Variants in ITPR1 observed in about 807,000 individuals in gnomAD.
The protein encoded by ITPR1 is inositol 1,4,5-trisphosphate-gated calcium channel ITPR1.
ITPR1 carries 96 observed loss-of-function variants against 318.4 expected under a neutral mutation model. The observed-to-expected ratio is 0.30, with a 90% CI of 0.26 to 0.36. The LOEUF (loss-of-function observed/expected upper bound fraction) is 0.36, where lower values mean the gene tolerates loss of function less well. Ranked by LOEUF, ITPR1 falls within the 10% of genes least tolerant of loss-of-function variation. ITPR1 has a pLI of 1.00. For synonymous variants in ITPR1, 1,312 were observed against 1,289.9 expected (o/e 1.02, Z -0.37); for missense variants, 2,440 against 3,460.2 (o/e 0.71, Z 7.40).
chr3:4,604,142 A>G (rs1398448779), intron 4 of ITPR1, among the ~76,000 whole-genome samples: 1 of 152,152 alleles, frequency 6.6e-6, no homozygotes, highest in Non-Finnish European at 1.5e-5. Context: ...TCCTTTGAGA[A>G]GGGCTGTACA....
chr3:4,531,621 C>T (rs2083422274), intron 4 of ITPR1, among the ~76,000 whole-genome samples: 1 of 152,216 alleles, frequency 6.6e-6, no homozygotes, highest in Non-Finnish European at 1.5e-5. Context: ...GTAACTCCTC[C>T]AGGTTCTCTG....
At chr3:4,639,596 T>C in intron 6 of ITPR1, 126 bp downstream of exon 6, 1 of 690,924 alleles carries the variant, frequency 1.4e-6, no homozygotes, top group South Asian at 1.7e-5. Context: ...GCCAGTTTAT[T>C]GCAAAAAGTC....
At chr3:4,745,262 C>T (rs184278451) in intron 44 of ITPR1, among the ~76,000 whole-genome samples, 1 of 151,900 alleles carries the variant, frequency 6.6e-6, no homozygotes, top group Non-Finnish European at 1.5e-5. Context: ...TCCCTAGAGT[C>T]ATCTCTGCTC....
At chr3:4,559,774 C>T (rs772916239) in intron 4 of ITPR1, among the ~76,000 whole-genome samples, 4 of 152,186 alleles carry the variant, frequency 2.6e-5, no homozygotes, top group Admixed American at 6.5e-5. Context: ...ACACAAGGAA[C>T]CTGAAGCCCA....
chr3:4,733,288 T>C, intron 43 of ITPR1, 68 bp downstream of exon 43: 4 of 1,555,768 alleles, frequency 2.6e-6, no homozygotes, highest in Non-Finnish European at 3.5e-6. Context: ...GCATGTTTCC[T>C]CCTAACAGGT....
At chr3:4,545,692 T>A (rs995994112) in intron 4 of ITPR1, among the ~76,000 whole-genome samples, 10 of 105,938 alleles carry the variant, frequency 9.4e-5, no homozygotes, top group Admixed American at 2.0e-4. Context: ...GTATGCAAAC[T>A]TTTTTTTTTT....
intron 42 of ITPR1, among the ~76,000 whole-genome samples, chr3:4,730,689 G>A (rs535627739): frequency 6.6e-6 from 1 of 151,956 alleles, no homozygotes; most frequent in Non-Finnish European, 1.5e-5. Context: ...AAAACACGAA[G>A]GGGGGAAGAA....
At chr3:4,819,253 C>G (rs866511353) in intron 60 of ITPR1, among the ~76,000 whole-genome samples, 1 of 152,174 alleles carries the variant, frequency 6.6e-6, no homozygotes, top group Non-Finnish European at 1.5e-5. Context: ...CTGAATACCC[C>G]GATTACAGAG....
chr3:4,670,316 T>C lies in ITPR1; in HGVS notation c.2007-413T>C, dbSNP rs141803744. 2.2e-3 allele frequency among the ~76,000 whole-genome samples: 332 copies of C among 152,366 alleles called. 5 individuals are homozygous for C. Among genetic ancestry groups the C allele is most frequent in the African/African-American group, 7.4e-3 (308 of 41,584 alleles). On this transcript the variant is annotated intron_variant, in intron 19 of 61. Transcript: ENST00000649015. The stretch of plus-strand genomic sequence containing the variant: ...GCTAGTGATACTTCATTGATTCACA[T>C]GTATAACTCAGTTTTGGGCTTGGGC...
Position 4,674,182 on chromosome 3 carries a change from TC to T in ITPR1, c.2457-19del. ...GAATAACTTGAAATTTTGTTTCCTT[TC>T]TTTCTCCTTTCTTTTCAGCTATGAT... is the stretch of plus-strand genomic sequence containing the variant. On this transcript the variant is annotated intron_variant, in intron 21 of 61. Coordinates refer to ENST00000649015, the MANE Select transcript of ITPR1 (RefSeq NM_001378452.1). The T allele has an allele frequency of 6.5e-7, 1 of 1,529,336 alleles. No individual in the cohort carries two copies. The highest frequency in any genetic ancestry group is 1.3e-5 in the South Asian group (1 of 78,756). The allele number at this position is 1,529,336 out of a possible 1,614,324, so 94.7% of individuals were successfully genotyped here.
At chr3:4,732,129 G>A (rs1416004902) in intron 42 of ITPR1, among the ~76,000 whole-genome samples, 2 of 152,198 alleles carry the variant, frequency 1.3e-5, no homozygotes, top group African/African-American at 4.8e-5. Context: ...GAGTGCGGGT[G>A]AAAGTGTAGA....
chr3:4,696,659 G>A (rs374508665), intron 33 of ITPR1, among the ~76,000 whole-genome samples: 123 of 142,960 alleles, frequency 8.6e-4, no homozygotes, highest in African/African-American at 3.1e-3. Flanking sequence ...TTGAAGTTGA[G>A]CCCCTTGCCG....
intron 61 of ITPR1, among the ~76,000 whole-genome samples, chr3:4,843,407 A>G (rs2051517325): frequency 6.6e-6 from 1 of 152,208 alleles, no homozygotes; most frequent in Admixed American, 6.5e-5. Flanking sequence ...TTTGGAGATT[A>G]TCAGTGAAAA....
At chr3:4,795,596 C>G (rs566989920) in intron 53 of ITPR1, among the ~76,000 whole-genome samples, 1 of 152,316 alleles carries the variant, frequency 6.6e-6, no homozygotes, top group East Asian at 1.9e-4. Flanking sequence ...CCACACCGCA[C>G]TTCTGGAATT....
At chr3:4,747,698 G>A (rs1199598009) in intron 44 of ITPR1, among the ~76,000 whole-genome samples, 1 of 152,208 alleles carries the variant, frequency 6.6e-6, no homozygotes, top group African/African-American at 2.4e-5. Context: ...ACAATTATGT[G>A]TGCTACATAC....
intron 4 of ITPR1, among the ~76,000 whole-genome samples, chr3:4,562,341 G>A (rs894359550): frequency 2.6e-5 from 4 of 152,088 alleles, no homozygotes; most frequent in African/African-American, 9.7e-5. Flanking sequence ...TTGCATTTTG[G>A]ATAGTAATAG....
At chr3:4,663,599 A>T (rs2093884811) in intron 16 of ITPR1, among the ~76,000 whole-genome samples, 1 of 152,164 alleles carries the variant, frequency 6.6e-6, no homozygotes, top group South Asian at 2.1e-4. Context: ...CACTACCGAC[A>T]TCCTACATCA....
At chr3:4,784,453 C>T (rs140895593) in intron 51 of ITPR1, among the ~76,000 whole-genome samples, 1 of 152,024 alleles carries the variant, frequency 6.6e-6, no homozygotes, top group Middle Eastern at 3.2e-3. Flanking sequence ...GCCCTGATCT[C>T]ACAGGGTCCT....
rs374562725 is a variant in ITPR1, at chr3:4,796,496, T to C, written c.6931+1309T>C. 5.5e-3 allele frequency among the ~76,000 whole-genome samples: 835 copies of C among 152,324 alleles called. 4 individuals are homozygous for C. The highest frequency in any genetic ancestry group is 8.5e-3 in the Non-Finnish European group (577 of 68,028). On this transcript the variant is annotated intron_variant, in intron 53 of 61. Coordinates refer to ENST00000649015, the MANE Select transcript of ITPR1 (RefSeq NM_001378452.1). ...CGGCGGAGGAGGCCCAGGTCTCCTT[T>C]CGCCTCAGGGAAGTTGTCATGTTCC...
Sources: gnomAD v4.1 joint callset for allele counts (sites outside exome capture counted in the v4.1 genomes callset) on GRCh38, gnomAD v4.1.1 for gene constraint, MANE v1.5 for transcripts, NCBI Gene and HGNC (gene_info 2026-07-23, HGNC 2026-07-21) for gene names.